PDZRN4: variants seen among roughly 807,000 people sequenced by gnomAD.
PDZRN4 encodes the protein PDZ domain-containing RING finger protein 4.
Under a neutral mutation model 99.0 loss-of-function variants are expected in PDZRN4, and 70 were observed. That is an observed-to-expected ratio of 0.71 (90% confidence interval 0.58 to 0.86). The LOEUF is 0.86. Ranked by LOEUF, PDZRN4 falls within the 40% of genes least tolerant of loss-of-function variation. PDZRN4 has a pLI of 0.00. For missense variants in PDZRN4, 1,474 were observed against 1,331.2 expected (o/e 1.11, Z -1.67); for synonymous variants, 551 against 501.6 (o/e 1.10, Z -1.32).
chr12:41,560,115 C>T (rs559884882), intron 7 of PDZRN4, among the ~76,000 whole-genome samples: 1 of 152,172 alleles, frequency 6.6e-6, no homozygotes, highest in South Asian at 2.1e-4. Flanking sequence ...ATATTTCCTC[C>T]CTATTTCTGT....
intron 3 of PDZRN4, among the ~76,000 whole-genome samples, chr12:41,353,813 A>C (rs1363225801): frequency 6.6e-6 from 1 of 152,142 alleles, no homozygotes; most frequent in Non-Finnish European, 1.5e-5. Context: ...TTAACCAGTT[A>C]GAATTTTCTG....
At chr12:41,263,513 C>A (rs761365029) in intron 3 of PDZRN4, among the ~76,000 whole-genome samples, 1 of 152,114 alleles carries the variant, frequency 6.6e-6, no homozygotes, top group African/African-American at 2.4e-5. Context: ...ATGGTGAAAC[C>A]CTGTCTCCAC....
At chr12:41,396,193 G>A (rs973628262) in intron 3 of PDZRN4, among the ~76,000 whole-genome samples, 4 of 152,122 alleles carry the variant, frequency 2.6e-5, no homozygotes, top group Non-Finnish European at 5.9e-5. Flanking sequence ...TAAAGGGGCT[G>A]TGAACGTTTT....
intron 3 of PDZRN4, among the ~76,000 whole-genome samples, chr12:41,397,755 G>T (rs1183565499): frequency 6.6e-6 from 1 of 151,962 alleles, no homozygotes; most frequent in Non-Finnish European, 1.5e-5. Context: ...GTTATGTATT[G>T]GTATCTATGC....
At chr12:41,214,015 G>A (rs529883399) in intron 3 of PDZRN4, among the ~76,000 whole-genome samples, 82 of 151,992 alleles carry the variant, frequency 5.4e-4, no homozygotes, top group African/African-American at 1.8e-3. Flanking sequence ...AGCCACCTTC[G>A]TAAAAATTTT....
intron 3 of PDZRN4, among the ~76,000 whole-genome samples, chr12:41,378,768 C>T (rs1952100947): frequency 6.6e-6 from 1 of 152,072 alleles, no homozygotes; most frequent in Non-Finnish European, 1.5e-5. Context: ...GGTGATCTGC[C>T]CACCTCAGCC....
At chr12:41,554,420 T>C (rs1230857883) in intron 6 of PDZRN4, among the ~76,000 whole-genome samples, 1 of 152,220 alleles carries the variant, frequency 6.6e-6, no homozygotes, top group Admixed American at 6.5e-5. Flanking sequence ...AGGAATGTTT[T>C]CCTTTTACCT....
chr12:41,520,854 T>C (rs1938483042), intron 5 of PDZRN4, among the ~76,000 whole-genome samples: 1 of 152,126 alleles, frequency 6.6e-6, no homozygotes, highest in African/African-American at 2.4e-5. Flanking sequence ...TCATCATAAA[T>C]GAAACAGATT....
intron 3 of PDZRN4, among the ~76,000 whole-genome samples, chr12:41,407,367 G>T (rs1252943813): frequency 6.6e-6 from 1 of 152,186 alleles, no homozygotes; most frequent in South Asian, 2.1e-4. Context: ...CTGAGCAAAG[G>T]GTTCTTTGTG....
chr12:41,470,799 G>A (rs1952981592), intron 3 of PDZRN4, among the ~76,000 whole-genome samples: 1 of 152,204 alleles, frequency 6.6e-6, no homozygotes, highest in East Asian at 1.9e-4. Context: ...GCAAGAACGA[G>A]CCTCATGGCC....
intron 5 of PDZRN4, among the ~76,000 whole-genome samples, chr12:41,529,529 T>C (rs1938624951): frequency 6.6e-6 from 1 of 152,202 alleles, no homozygotes; most frequent in African/African-American, 2.4e-5. Flanking sequence ...GCAAAAAGTG[T>C]TTATTCTTTT....
intron 5 of PDZRN4, among the ~76,000 whole-genome samples, chr12:41,545,478 C>T (rs1938929626): frequency 6.6e-6 from 1 of 151,078 alleles, no homozygotes; most frequent in Non-Finnish European, 1.5e-5. Flanking sequence ...CACAAGATTT[C>T]CCTCTGCCCC....
At chr12:41,437,146 G>A (rs1952637114) in intron 3 of PDZRN4, among the ~76,000 whole-genome samples, 1 of 151,924 alleles carries the variant, frequency 6.6e-6, no homozygotes, top group African/African-American at 2.4e-5. Flanking sequence ...TTCCTCCTTA[G>A]TAAGTAATGG....
At chr12:41,536,842 C>T (rs1938757293) in intron 5 of PDZRN4, among the ~76,000 whole-genome samples, 1 of 149,966 alleles carries the variant, frequency 6.7e-6, no homozygotes, top group South Asian at 2.1e-4. Context: ...TTAGTATTTA[C>T]TGTTATTTTG....
intron 3 of PDZRN4, among the ~76,000 whole-genome samples, chr12:41,498,318 G>A (rs1938047938): frequency 6.6e-6 from 1 of 152,060 alleles, no homozygotes; most frequent in Non-Finnish European, 1.5e-5. Flanking sequence ...AAACCCAAAT[G>A]GAGGGATTGT....
At chr12:41,528,625 A>T (rs561193593) in intron 5 of PDZRN4, among the ~76,000 whole-genome samples, 4 of 152,298 alleles carry the variant, frequency 2.6e-5, no homozygotes, top group Admixed American at 2.6e-4. Flanking sequence ...ACTCACATCC[A>T]CTGCTTTTTA....
chr12:41,362,754 T>C (rs1163231972), intron 3 of PDZRN4, among the ~76,000 whole-genome samples: 1 of 152,016 alleles, frequency 6.6e-6, no homozygotes, highest in African/African-American at 2.4e-5. Flanking sequence ...AGATGCAATG[T>C]AGTTAGGAGG....
intron 3 of PDZRN4, among the ~76,000 whole-genome samples, chr12:41,219,550 T>G (rs1440559522): frequency 6.6e-6 from 1 of 152,110 alleles, no homozygotes; most frequent in Non-Finnish European, 1.5e-5. Context: ...GTAATGTTCT[T>G]AATAATCTGA....
intron 3 of PDZRN4, among the ~76,000 whole-genome samples, chr12:41,454,133 A>G (rs1318224669): frequency 6.6e-6 from 1 of 152,014 alleles, no homozygotes; most frequent in Non-Finnish European, 1.5e-5. Flanking sequence ...CTGAAGCCAA[A>G]ACCAAAGTGA....
Sources: allele counts gnomAD v4.1 joint callset (sites outside exome capture counted in the v4.1 genomes callset), GRCh38; gene constraint gnomAD v4.1.1; transcripts MANE v1.5; gene names NCBI Gene and HGNC (gene_info 2026-07-23, HGNC 2026-07-21).